Variants in STON1 observed in about 807,000 individuals in gnomAD.
STON1 encodes the protein stonin 1.
In STON1, 79 loss-of-function variants were observed where a neutral mutation model predicts 60.9. The ratio of observed to expected loss-of-function variants is 1.30; its 90% CI spans 1.08 to 1.56. The LOEUF is 1.56. Among genes scored for constraint, STON1 ranks in the 40% most tolerant of loss-of-function variants. The pLI is 0.00. For missense variants in STON1, 1,166 were observed against 858.9 expected (o/e 1.36, Z -4.47); for synonymous variants, 363 against 306.9 (o/e 1.18, Z -1.91).
Position 48,536,129 on chromosome 2 carries a change from T to C in STON1, c.-48+5913T>C, listed in dbSNP as rs187561693. Among the ~76,000 whole-genome samples the C allele has an allele frequency of 4.7e-3, 709 of 151,962 alleles. 18 individuals are homozygous for C. The highest frequency in any genetic ancestry group is 4.7e-3 in the East Asian group (24 of 5,150). Reference sequence around the variant, plus strand: ...ACCTAAAAACCAAATTTGTGAGGATTTGTGATTACCCAGTGAGCTGTGTGA... The same window carrying C: ...ACCTAAAAACCAAATTTGTGAGGATCTGTGATTACCCAGTGAGCTGTGTGA... On this transcript the variant is annotated intron_variant, in intron 1 of 3. Coordinates refer to ENST00000404752, the MANE Select transcript of STON1 (RefSeq NM_006873.4).
In STON1 at chr2:48,595,267, G is replaced by A. The variant is rs1257867793; in HGVS notation, c.2173G>A (p.Asp725Asn). 9 of 1,613,850 alleles carry A rather than the reference G, an allele frequency of 5.6e-6. No individual in the cohort carries two copies. The highest frequency in any genetic ancestry group is 7.6e-6 in the Non-Finnish European group (9 of 1,179,798). ...EKKWIKIDGEDPDKIGDCITQ is the reference protein window; with the variant it reads ...EKKWIKIDGENPDKIGDCITQ ...GAAGTGGATTAAAATCGATGGAGAA[G>A]ACCCAGATAAAATTGGTGACTGCAT... The change falls in exon 4 of 4, where the codon GAC (aspartate) becomes AAC (asparagine). Residue 725 changes from aspartate to asparagine, a missense_variant. Transcript: ENST00000404752.
At chr2:48,573,023 C>T (rs948606111) in intron 1 of STON1, among the ~76,000 whole-genome samples, 6 of 152,256 alleles carry the variant, frequency 3.9e-5, no homozygotes, top group African/African-American at 1.4e-4. Flanking sequence ...TGCTCTGTCC[C>T]TAGCGGAGCC....
rs1458908249 is a variant in STON1 at position 48,598,212 on chromosome 2, T to C, written c.*2910T>C. Reference sequence around the variant, plus strand: ...AGAGTTTATCCACTAAAAAAAGATATGTAAAAAAGATACTTTCCAGCACAT... The same window carrying C: ...AGAGTTTATCCACTAAAAAAAGATACGTAAAAAAGATACTTTCCAGCACAT... On this transcript the variant is annotated 3_prime_UTR_variant, in exon 4 of 4. Coordinates refer to ENST00000404752, the MANE Select transcript of STON1 (RefSeq NM_006873.4). 5 of 152,214 alleles carry C rather than the reference T, an allele frequency of 3.3e-5. No individual in the cohort carries two copies. The highest frequency in any genetic ancestry group is 7.4e-5 in the Non-Finnish European group (5 of 68,026). The allele number at this position is 152,214 out of a possible 1,614,324, so 9.4% of individuals were successfully genotyped here.
chr2:48,591,890 T>C (rs1210296825), intron 3 of STON1, 35 bp downstream of exon 3: 1 of 1,605,776 alleles, frequency 6.2e-7, no homozygotes. Context: ...GTGACCTGAT[T>C]TGGCTTTAAA....
intron 1 of STON1, among the ~76,000 whole-genome samples, chr2:48,566,241 T>A (rs1672935324): frequency 6.6e-6 from 1 of 152,178 alleles, no homozygotes; most frequent in African/African-American, 2.4e-5. Flanking sequence ...AGTGGCACCA[T>A]CTTGGCTCAC....
Position 48,581,425 on chromosome 2 carries a change from CCACA to C in STON1, c.796_799del (p.Thr266SerfsTer14), listed in dbSNP as rs1362154418. Reference sequence around the variant, plus strand: ...AAGAAAATGCCTCTTCCTTTGTCCCCCACACACTCTTCAGGAGTCAGCCAAAATC... The same window carrying C: ...AAGAAAATGCCTCTTCCTTTGTCCCCCACTCTTCAGGAGTCAGCCAAAATC... On this transcript the variant is annotated frameshift_variant, in exon 2 of 4. Transcript: ENST00000404752. LOFTEE classifies it high-confidence loss of function. 6.2e-7 allele frequency: 1 copy of C among 1,613,550 alleles called. No individual in the cohort carries two copies. The highest frequency in any genetic ancestry group is 8.5e-7 in the Non-Finnish European group (1 of 1,179,656).
In STON1 at chr2:48,587,778, C is replaced by A. The variant is rs562660155; in HGVS notation, c.1931-3875C>A. On this transcript the variant is annotated intron_variant, in intron 2 of 3. Transcript: ENST00000404752. ...AATTACACAGTGATAATTCACTGAA[C>A]AAATCCTTTGGGATCACAGCTGCTT... Among the ~76,000 whole-genome samples the A allele has an allele frequency of 7.2e-5, 11 of 152,314 alleles. No homozygotes were observed. The South Asian group carries it at 2.3e-3, about 32-fold the overall frequency.
At chr2:48,537,940 A>G (rs940160021) in intron 1 of STON1, among the ~76,000 whole-genome samples, 3 of 151,452 alleles carry the variant, frequency 2.0e-5, no homozygotes, top group African/African-American at 7.3e-5. Context: ...TAAAGTAATC[A>G]TAAGTATATG....
At chr2:48,593,373 C>T (rs1028160856) in intron 3 of STON1, among the ~76,000 whole-genome samples, 1 of 152,122 alleles carries the variant, frequency 6.6e-6, no homozygotes, top group Non-Finnish European at 1.5e-5. Flanking sequence ...CCTCGGCCTC[C>T]CAAAGTGCTG....
intron 1 of STON1, among the ~76,000 whole-genome samples, chr2:48,574,546 C>G (rs1392452986): frequency 5.3e-5 from 8 of 152,148 alleles, no homozygotes; most frequent in Non-Finnish European, 1.2e-4. Context: ...TTAAAAAATT[C>G]TGGCTCTACC....
At chr2:48,533,815 G>C (rs1266078074) in intron 1 of STON1, among the ~76,000 whole-genome samples, 1 of 146,078 alleles carries the variant, frequency 6.8e-6, no homozygotes. Flanking sequence ...CGTTGCCCAG[G>C]CTGGAGTGCA....
chr2:48,562,048 A>G (rs1672635389), intron 1 of STON1, among the ~76,000 whole-genome samples: 2 of 152,030 alleles, frequency 1.3e-5, no homozygotes, highest in Non-Finnish European at 2.9e-5. Flanking sequence ...TTTAGTAGAA[A>G]CGGGGTTCTA....
chr2:48,590,063 A>G (rs1376017811), intron 2 of STON1, among the ~76,000 whole-genome samples: 1 of 152,260 alleles, frequency 6.6e-6, no homozygotes, highest in African/African-American at 2.4e-5. Flanking sequence ...ATAACAAGAC[A>G]GAAGAATGCC....
chr2:48,542,378 A>T (rs553060052), intron 1 of STON1, among the ~76,000 whole-genome samples: 18 of 152,308 alleles, frequency 1.2e-4, no homozygotes, highest in African/African-American at 4.1e-4. Flanking sequence ...CTTTGCCACT[A>T]ATTAGATATG....
intron 2 of STON1, among the ~76,000 whole-genome samples, chr2:48,583,393 C>T (rs1173548888): frequency 2.6e-5 from 4 of 152,138 alleles, no homozygotes; most frequent in African/African-American, 9.7e-5. Context: ...CTGGCCTAAA[C>T]TGGTTGTTTT....
intron 1 of STON1, among the ~76,000 whole-genome samples, chr2:48,569,911 A>G (rs948582882): frequency 6.6e-6 from 1 of 152,200 alleles, no homozygotes; most frequent in Non-Finnish European, 1.5e-5. Context: ...TGAATTTTGG[A>G]GCAATTCAGA....
intron 1 of STON1, among the ~76,000 whole-genome samples, chr2:48,560,055 C>T (rs1449432150): frequency 6.6e-6 from 1 of 152,086 alleles, no homozygotes; most frequent in Non-Finnish European, 1.5e-5. Context: ...TCTCAAAACA[C>T]TAAAAGCAAT....
intron 2 of STON1, 21 bp downstream of exon 2, chr2:48,582,584 G>T: frequency 1.9e-6 from 3 of 1,594,792 alleles, no homozygotes; most frequent in South Asian, 1.1e-5. Flanking sequence ...AACACCCCAA[G>T]TTTATTTTCA....
chr2:48,531,049 A>G (rs1474304087), intron 1 of STON1: 1 of 152,228 alleles, frequency 6.6e-6, no homozygotes, highest in African/African-American at 2.4e-5. Context: ...AAGAAGGAAG[A>G]AAATAAACGG....
Sources: allele counts gnomAD v4.1 joint callset (sites outside exome capture counted in the v4.1 genomes callset), GRCh38; gene constraint gnomAD v4.1.1; transcripts MANE v1.5; gene names NCBI Gene and HGNC (gene_info 2026-07-23, HGNC 2026-07-21).